Variants in PLCB4 observed in about 807,000 individuals in gnomAD.
The protein encoded by PLCB4 is 1-phosphatidylinositol 4,5-bisphosphate phosphodiesterase beta-4.
PLCB4 carries 77 observed loss-of-function variants against 178.8 expected under a neutral mutation model. The observed-to-expected ratio is 0.43, with a 90% CI of 0.36 to 0.52. The LOEUF is 0.52. PLCB4 is among the 20% of genes least tolerant of loss of function. The pLI is 0.00. For missense variants in PLCB4, 1,024 were observed against 1,453.4 expected (o/e 0.70, Z 4.80); for synonymous variants, 496 against 490.8 (o/e 1.01, Z -0.14).
At chr20:9,177,734 C>T (rs6056449) in intron 2 of PLCB4, among the ~76,000 whole-genome samples, 2 of 152,134 alleles carry the variant, frequency 1.3e-5, no homozygotes, top group African/African-American at 2.4e-5. Context: ...ACACTTGGGC[C>T]TAAATGAAAA....
intron 2 of PLCB4, among the ~76,000 whole-genome samples, chr20:9,112,920 G>T (rs772142114): frequency 1.6e-4 from 25 of 151,802 alleles, no homozygotes; most frequent in Admixed American, 5.9e-4. Flanking sequence ...AAATTGGTAC[G>T]TATAAAATTT....
chr20:9,424,931 G>T (rs1275107701), intron 28 of PLCB4, among the ~76,000 whole-genome samples: 1 of 151,992 alleles, frequency 6.6e-6, no homozygotes, highest in African/African-American at 2.4e-5. Context: ...CAGATTTTCT[G>T]CAACTAAACC....
intron 3 of PLCB4, among the ~76,000 whole-genome samples, chr20:9,246,857 T>A (rs772740777): frequency 6.6e-6 from 1 of 152,200 alleles, no homozygotes; most frequent in Non-Finnish European, 1.5e-5. Context: ...ATTTGGCATC[T>A]GGAGAAGCCT....
At chr20:9,312,044 C>T (rs1362376292) in intron 4 of PLCB4, among the ~76,000 whole-genome samples, 1 of 152,086 alleles carries the variant, frequency 6.6e-6, no homozygotes, top group East Asian at 1.9e-4. Context: ...AAACTACAAC[C>T]AGATTTTAAA....
At chr20:9,277,503 A>C (rs1380553993) in intron 3 of PLCB4, among the ~76,000 whole-genome samples, 1 of 152,022 alleles carries the variant, frequency 6.6e-6, no homozygotes, top group African/African-American at 2.4e-5. Flanking sequence ...CACAGTATCA[A>C]GCCATCTGAC....
At chr20:9,322,240 T>G (rs2094969123) in intron 4 of PLCB4, among the ~76,000 whole-genome samples, 1 of 150,716 alleles carries the variant, frequency 6.6e-6, no homozygotes, top group Non-Finnish European at 1.5e-5. Flanking sequence ...ATTATAGGCA[T>G]GAGCCACTGT....
intron 3 of PLCB4, among the ~76,000 whole-genome samples, chr20:9,258,100 AG>A (rs1176489021): frequency 6.6e-6 from 1 of 152,178 alleles, no homozygotes; most frequent in Non-Finnish European, 1.5e-5. Context: ...GGGGAAAAAA[AG>A]TGGAGGAAAT....
intron 3 of PLCB4, among the ~76,000 whole-genome samples, chr20:9,301,423 G>A (rs1333589372): frequency 1.3e-5 from 2 of 151,982 alleles, no homozygotes; most frequent in Non-Finnish European, 2.9e-5. Context: ...CTAGGTTGGG[G>A]GTGGTGGTGA....
intron 20 of PLCB4, among the ~76,000 whole-genome samples, chr20:9,402,971 G>C (rs2039150092): frequency 6.6e-6 from 1 of 152,062 alleles, no homozygotes; most frequent in African/African-American, 2.4e-5. Context: ...TCTAACTTTG[G>C]GTAAGTTACT....
chr20:9,457,449 A>C lies in PLCB4; in HGVS notation c.3032A>C (p.Glu1011Ala), dbSNP rs375342571. 3.8e-6 allele frequency: 6 copies of C among 1,572,452 alleles called. No individual in the cohort carries two copies. The highest frequency in any genetic ancestry group is 5.3e-6 in the Non-Finnish European group (6 of 1,142,252). Residue 1011 changes from glutamate to alanine, a missense_variant, in exon 34 of 40, where the codon GAA (glutamate) becomes GCA (alanine). Glu to Ala is a moderately radical substitution (Grantham distance 107). Transcript: ENST00000378473. The part of the protein sequence containing the change: ...SNCLEMKKET[E>A]IKIQTLTSDH... ...TGTCTCGAAATGAAAAAAGAAACAG[A>C]AATCAAAATTCAGACGCTGACATCA...
intron 2 of PLCB4, among the ~76,000 whole-genome samples, chr20:9,124,868 T>C (rs1233802630): frequency 3.3e-5 from 5 of 152,226 alleles, no homozygotes; most frequent in Admixed American, 3.3e-4. Flanking sequence ...CTCATCTTTG[T>C]AATTGACAAT....
chr20:9,134,788 GCTGT>G (rs2092348562), intron 2 of PLCB4, among the ~76,000 whole-genome samples: 1 of 152,132 alleles, frequency 6.6e-6, no homozygotes, highest in Non-Finnish European at 1.5e-5. Context: ...AAGTGAAAGA[GCTGT>G]CTAATTTATT....
intron 1 of PLCB4, among the ~76,000 whole-genome samples, chr20:9,089,453 C>A (rs899859331): frequency 1.3e-5 from 2 of 151,820 alleles, no homozygotes; most frequent in African/African-American, 4.8e-5. Flanking sequence ...AGGTGGTAAC[C>A]AATATAGGCC....
intron 1 of PLCB4, among the ~76,000 whole-genome samples, chr20:9,079,641 A>G (rs906179013): frequency 1.3e-5 from 2 of 152,186 alleles, no homozygotes; most frequent in Admixed American, 6.5e-5. Flanking sequence ...TGCCCTCCAG[A>G]ACAGAGGTTT....
At chr20:9,352,684 C>G (rs1478364262) in intron 7 of PLCB4, among the ~76,000 whole-genome samples, 3 of 152,194 alleles carry the variant, frequency 2.0e-5, no homozygotes, top group Non-Finnish European at 4.4e-5. Flanking sequence ...CTCACCCATT[C>G]AATTATCTCT....
intron 3 of PLCB4, among the ~76,000 whole-genome samples, chr20:9,304,611 T>C (rs1022453276): frequency 6.6e-6 from 1 of 152,190 alleles, no homozygotes; most frequent in Non-Finnish European, 1.5e-5. Flanking sequence ...TCTTATTCTG[T>C]TATTCTGAGA....
chr20:9,349,429 TTAAAACTTTTTC>T (rs2034127434), intron 7 of PLCB4, among the ~76,000 whole-genome samples: 1 of 152,220 alleles, frequency 6.6e-6, no homozygotes, highest in Admixed American at 6.5e-5. Flanking sequence ...CCTGTTTAAA[TTAAAACTTTTTC>T]TTAGGTTTCA....
At chr20:9,359,223 G>A (rs1305929739) in intron 7 of PLCB4, among the ~76,000 whole-genome samples, 3 of 152,144 alleles carry the variant, frequency 2.0e-5, no homozygotes, top group Non-Finnish European at 4.4e-5. Context: ...ATGTTCCCGG[G>A]GCAAAGGTGA....
chr20:9,232,155 G>A (rs1305331395), intron 3 of PLCB4, among the ~76,000 whole-genome samples: 1 of 152,188 alleles, frequency 6.6e-6, no homozygotes, highest in Non-Finnish European at 1.5e-5. Context: ...TCTGGCATGT[G>A]TGTATTGAAG....
Sources: allele counts gnomAD v4.1 joint callset (sites outside exome capture counted in the v4.1 genomes callset), GRCh38; gene constraint gnomAD v4.1.1; transcripts MANE v1.5; gene names NCBI Gene and HGNC (gene_info 2026-07-23, HGNC 2026-07-21).